The following LRRC31 variants were observed in gnomAD, a reference collection of about 807,000 sequenced individuals.
LRRC31 encodes the protein leucine rich repeat containing 31, also known as leucine-rich repeat-containing protein 31.
A neutral mutation model predicts 46.7 loss-of-function variants in LRRC31; 35 were observed. The observed-to-expected ratio is 0.75, with a 90% CI of 0.57 to 0.99. The LOEUF is 0.99. Among genes scored for constraint, LRRC31 ranks in the 50% least tolerant of loss-of-function variants. The probability of loss-of-function intolerance (pLI) is 0.00; values close to 1 mark genes in which losing one functional copy is unlikely to be tolerated. For synonymous variants in LRRC31, 236 were observed against 235.1 expected (o/e 1.00, Z -0.03); for missense variants, 613 against 626.1 (o/e 0.98, Z 0.22).
chr3:169,857,415 C>CATATATACATATATAT (rs144038208), intron 3 of LRRC31, among the ~76,000 whole-genome samples: 35 of 98,692 alleles, frequency 3.5e-4, no homozygotes, highest in African/African-American at 1.0e-3. Flanking sequence ...TATACATATA[C>CATATATACATATATAT]ATATATATAT....
intron 3 of LRRC31, among the ~76,000 whole-genome samples, chr3:169,857,415 C>CACATATATATATATATATATATATAT (rs1553924971): frequency 1.2e-4 from 12 of 98,682 alleles, no homozygotes; most frequent in African/African-American, 4.3e-4. Flanking sequence ...TATACATATA[C>CACATATATATATATATATATATATAT]ATATATATAT....
intron 6 of LRRC31, chr3:169,853,858 A>T (rs1394701500): frequency 3.7e-6 from 1 of 269,474 alleles, no homozygotes; most frequent in Non-Finnish European, 5.7e-6. Flanking sequence ...TTGTACACTC[A>T]TTCATTCATT....
At chr3:169,847,027 G>C (rs1313244077) in intron 8 of LRRC31, among the ~76,000 whole-genome samples, 1 of 152,090 alleles carries the variant, frequency 6.6e-6, no homozygotes. Flanking sequence ...TGGAGTGACT[G>C]TTCTGGCCCT....
At chr3:169,866,630 C>A (rs914627321) in intron 1 of LRRC31, among the ~76,000 whole-genome samples, 1 of 152,020 alleles carries the variant, frequency 6.6e-6, no homozygotes, top group African/African-American at 2.4e-5. Flanking sequence ...TGATGGCAAA[C>A]AATCTGATGG....
At chr3:169,865,681 C>T (rs1038366967) in intron 1 of LRRC31, among the ~76,000 whole-genome samples, 9 of 152,150 alleles carry the variant, frequency 5.9e-5, no homozygotes, top group Non-Finnish European at 1.2e-4. Flanking sequence ...AGTGGAGGCA[C>T]GCAGGGGTGT....
At chr3:169,849,302 A>T (rs903672762) in intron 7 of LRRC31, among the ~76,000 whole-genome samples, 5 of 152,210 alleles carry the variant, frequency 3.3e-5, no homozygotes, top group Non-Finnish European at 4.4e-5. Context: ...GATGTAGGGA[A>T]ATATATATTT....
In LRRC31 at chr3:169,840,309, C is replaced by T. The variant is rs1352021890; in HGVS notation, c.1332G>A (p.Ser444=). Residue 444 remains serine, a synonymous_variant, in exon 9 of 9, where the codon TCG becomes TCA. Transcript: ENST00000316428. ...LVTEDVALLA[S]VIQTGHLAKL... ...TGGCCAGATGACCCGTCTGTATGACCGATGCTGGAAAACAGAATCACTCTA... is the reference window on the plus strand; with the variant it reads ...TGGCCAGATGACCCGTCTGTATGACTGATGCTGGAAAACAGAATCACTCTA... The T allele has an allele frequency of 1.9e-6, 3 of 1,613,874 alleles. No individual in the cohort carries two copies. The highest frequency in any genetic ancestry group is 2.5e-6 in the Non-Finnish European group (3 of 1,179,990).
intron 6 of LRRC31, 83 bp from the exon 7 acceptor site, chr3:169,851,869 A>C: frequency 7.1e-7 from 1 of 1,404,120 alleles, no homozygotes; most frequent in Non-Finnish European, 1.0e-6. Context: ...CAATCTGTTT[A>C]ATCTGTCAGT....
chr3:169,844,671 C>T (rs1011780839), intron 8 of LRRC31, among the ~76,000 whole-genome samples: 6 of 152,132 alleles, frequency 3.9e-5, no homozygotes, highest in African/African-American at 7.2e-5. Context: ...CAGTGGCTCA[C>T]GCCTGTAATC....
At chr3:169,861,852 T>C in intron 1 of LRRC31, 39 bp from the exon 2 acceptor site, 1 of 1,599,040 alleles carries the variant, frequency 6.3e-7, no homozygotes, top group South Asian at 1.1e-5. Flanking sequence ...CTGTTAATGA[T>C]GGATGTATTA....
At chr3:169,860,448 G>A (rs1178815259) in intron 3 of LRRC31, 113 bp downstream of exon 3, 14 of 1,095,906 alleles carry the variant, frequency 1.3e-5, no homozygotes, top group Non-Finnish European at 1.8e-5. Context: ...GGCTGTTCTC[G>A]AACTCCTGAG....
Position 169,854,916 on chromosome 3 carries a change from A to G in LRRC31, c.888T>C (p.Gly296=), listed in dbSNP as rs1780895963. 6.2e-7 allele frequency: 1 copy of G among 1,613,382 alleles called. No individual in the cohort carries two copies. The highest frequency in any genetic ancestry group is 1.3e-5 in the African/African-American group (1 of 74,854). Residue 296 remains glycine (G), a synonymous_variant, in exon 6 of 9, where the codon GGT becomes GGC. Coordinates refer to ENST00000316428, the MANE Select transcript of LRRC31 (RefSeq NM_024727.4). ...KLDLSCNKDL[G]GGFEDSPAQL... ...GAGCCGGCGAGTCTTCAAAACCTCC[A>G]CCTAGATCCTTATTGCAGGAAAGAT...
At chr3:169,860,315 C>T (rs1175912389) in intron 3 of LRRC31, among the ~76,000 whole-genome samples, 12 of 151,362 alleles carry the variant, frequency 7.9e-5, no homozygotes, top group Admixed American at 7.9e-4. Context: ...GCAACTTCCG[C>T]CTCCCAGGTT....
At chr3:169,863,967 G>C (rs2108228103) in intron 1 of LRRC31, among the ~76,000 whole-genome samples, 1 of 152,080 alleles carries the variant, frequency 6.6e-6, no homozygotes, top group Non-Finnish European at 1.5e-5. Context: ...AGCAGAGCCT[G>C]AATTTGAACC....
intron 1 of LRRC31, 95 bp downstream of exon 1, chr3:169,869,538 A>G (rs965832473): frequency 7.2e-6 from 8 of 1,105,488 alleles, no homozygotes; most frequent in South Asian, 1.9e-5. Flanking sequence ...TACACCTACT[A>G]TGTACCCACA....
rs35162054 is a variant in LRRC31, at chr3:169,852,421, A to C, written c.992-635T>G. On this transcript the variant is annotated intron_variant, in intron 6 of 8. Coordinates refer to ENST00000316428, the MANE Select transcript of LRRC31 (RefSeq NM_024727.4). ...CCGTCTCAAAAAAAAAAAAAAAAAA[A>C]AAAAAAAAAACTCTTAGCCTTCTCT... Among the ~76,000 whole-genome samples, 31 of 121,574 alleles carry C rather than the reference A, an allele frequency of 2.5e-4. 1 individual carries two copies. Among genetic ancestry groups the C allele is most frequent in the South Asian group, 8.8e-4 (3 of 3,420 alleles). The allele number at this position is 121,574 out of a possible 152,430, so 79.8% of individuals were successfully genotyped here. A position where few individuals can be genotyped will look rare whatever the true frequency, so the allele number is the denominator to read the frequency against.
At chr3:169,854,699 C>T in intron 6 of LRRC31, 114 bp downstream of exon 6, 1 of 812,220 alleles carries the variant, frequency 1.2e-6, no homozygotes, top group Admixed American at 2.2e-5. Context: ...ATGAATTGAT[C>T]TTTCCAATAA....
At position 169,861,780 on chromosome 3, in the gene LRRC31, G is replaced by C. The variant is rs1313242262; in HGVS notation, c.209C>G (p.Ser70Cys). Residue 70 changes from serine to cysteine, a missense_variant, in exon 2 of 9, where the codon TCC becomes TGC. By Grantham distance (112) the Ser-to-Cys change is moderately radical (BLOSUM62 -1). Transcript: ENST00000316428. ...GAAATGCTCATTTTTCTCCATACTG[G>C]ATCTCCATTCCATTTCTGAACTGAG... ...KPLSSEMEWR[S>C]SMEKNEHFLQ... 6.2e-7 allele frequency: 1 copy of C among 1,613,840 alleles called. No homozygotes were observed. The highest frequency in any genetic ancestry group is 8.5e-7 in the Non-Finnish European group (1 of 1,179,988).
At position 169,840,203 on chromosome 3, in the gene LRRC31, G is replaced by A. The variant is rs528700664; in HGVS notation, c.1438C>T (p.Leu480Phe). 6.2e-7 allele frequency: 1 copy of A among 1,614,144 alleles called. No individual in the cohort carries two copies. Among genetic ancestry groups the A allele is most frequent in the East Asian group, 2.2e-5 (1 of 44,892 alleles). The change falls in exon 9 of 9, where the codon CTC becomes TTC. Residue 480 changes from leucine to phenylalanine, a missense_variant. Coordinates refer to ENST00000316428, the MANE Select transcript of LRRC31 (RefSeq NM_024727.4). Reference sequence around the variant, plus strand: ...ATATCCAGCTCGATTAGCTCTTTGAGGAACCGCACGTTTTGGCAGAACATG... The same window carrying A: ...ATATCCAGCTCGATTAGCTCTTTGAAGAACCGCACGTTTTGGCAGAACATG... Reference protein sequence around the residue: ...WTMFCQNVRFLKELIELDISL... With the variant: ...WTMFCQNVRFFKELIELDISL...
Sources: allele counts gnomAD v4.1 joint callset (sites outside exome capture counted in the v4.1 genomes callset), GRCh38; gene constraint gnomAD v4.1.1; transcripts MANE v1.5; gene names NCBI Gene and HGNC (gene_info 2026-07-23, HGNC 2026-07-21).